The following DNAAF5 variants were observed in gnomAD, a reference collection of about 807,000 sequenced individuals.
DNAAF5 encodes the protein dynein axonemal assembly factor 5.
In DNAAF5, 64 loss-of-function variants were observed where a neutral mutation model predicts 75.8. The ratio of observed to expected loss-of-function variants is 0.84; its 90% CI spans 0.69 to 1.04. The LOEUF (loss-of-function observed/expected upper bound fraction) is 1.04. DNAAF5 is among the 50% of genes least tolerant of loss of function. DNAAF5 has a pLI of 0.00. For synonymous variants in DNAAF5, 657 were observed against 557.2 expected, an observed-to-expected ratio of 1.18 and a Z score of -2.52; for missense variants, 1,269 against 1,178.5, an observed-to-expected ratio of 1.08 and a Z score of -1.12.
intron 2 of DNAAF5, among the ~76,000 whole-genome samples, chr7:735,394 G>T (rs370446890): frequency 1.3e-4 from 19 of 148,308 alleles, no homozygotes; most frequent in Non-Finnish European, 2.8e-4. Context: ...ATTGCTCATG[G>T]TGTTGTTCTT....
intron 11 of DNAAF5, among the ~76,000 whole-genome samples, chr7:776,609 C>T (rs375687925): frequency 2.0e-5 from 3 of 152,192 alleles, no homozygotes; most frequent in South Asian, 2.1e-4. Flanking sequence ...TCAGTGTCGC[C>T]GCCTCCTGGA....
chr7:760,687 C>G (rs1239586806), intron 6 of DNAAF5, among the ~76,000 whole-genome samples: 1 of 152,156 alleles, frequency 6.6e-6, no homozygotes, highest in African/African-American at 2.4e-5. Context: ...AAGAAGTAAG[C>G]ACACGCAAAG....
chr7:773,190 C>T (rs547096208), intron 9 of DNAAF5, among the ~76,000 whole-genome samples: 8 of 152,282 alleles, frequency 5.3e-5, no homozygotes, highest in African/African-American at 1.9e-4. Context: ...CCAGAAACCT[C>T]GCGGAATGCG....
chr7:740,850 G>A lies in DNAAF5; in HGVS notation c.812G>A (p.Gly271Asp). The A allele has an allele frequency of 6.2e-7, 1 of 1,613,954 alleles. No individual in the cohort carries two copies. Among genetic ancestry groups the A allele is most frequent in the Non-Finnish European group, 8.5e-7 (1 of 1,180,034 alleles). ...VRRAVASVVG[G>D]WLLCLRDRYS... ...CGGGCGGTGGCCTCCGTGGTGGGCG[G>A]CTGGCTGCTGTGTCTGCGTGACCGT... The change falls in exon 3 of 13, where the codon GGC becomes GAC. Residue 271 changes from glycine to aspartate, a missense_variant. By Grantham distance (94) the Gly-to-Asp change is moderately conservative (BLOSUM62 -1). Coordinates refer to ENST00000297440, the MANE Select transcript of DNAAF5 (RefSeq NM_017802.4).
chr7:779,805 G>A (rs1181946867), intron 11 of DNAAF5, 148 bp from the exon 12 acceptor site: 16 of 665,244 alleles, frequency 2.4e-5, no homozygotes, highest in African/African-American at 1.1e-4. Flanking sequence ...CATGTGGCTC[G>A]GGATGCACGG....
At chr7:774,373 C>T (rs1778683461) in intron 10 of DNAAF5, among the ~76,000 whole-genome samples, 175 bp downstream of exon 10, 4 of 152,210 alleles carry the variant, frequency 2.6e-5, no homozygotes, top group African/African-American at 9.6e-5. Flanking sequence ...GAGCCGGCGG[C>T]CGGGCTGCGG....
At position 770,493 on chromosome 7, in the gene DNAAF5, G is replaced by T; in HGVS notation, c.1806G>T (p.Leu602=). 1 of 1,613,664 alleles carries T rather than the reference G, an allele frequency of 6.2e-7. No individual in the cohort carries two copies. Among genetic ancestry groups the T allele is most frequent in the Non-Finnish European group, 8.5e-7 (1 of 1,179,958 alleles). The change falls in exon 9 of 13, where the codon CTG becomes CTT. Residue 602 remains leucine, a synonymous_variant. Coordinates refer to ENST00000297440, the MANE Select transcript of DNAAF5 (RefSeq NM_017802.4). ...CAGGCCCTGCCCTGGGAGAAGCCCTGCCACACGTCGTGCCCACGCTGAGGG... is the reference window on the plus strand; with the variant it reads ...CAGGCCCTGCCCTGGGAGAAGCCCTTCCACACGTCGTGCCCACGCTGAGGG... ...AQSGPALGEA[L]PHVVPTLRAC... is the part of the protein sequence containing the mutation.
intron 6 of DNAAF5, among the ~76,000 whole-genome samples, chr7:760,484 G>C (rs1438289794): frequency 6.6e-6 from 1 of 152,142 alleles, no homozygotes; most frequent in African/African-American, 2.4e-5. Context: ...TTAGAGGGAC[G>C]TTATAAGAAG....
At chr7:772,508 C>G (rs1437960178) in intron 9 of DNAAF5, 3 of 152,242 alleles carry the variant, frequency 2.0e-5, no homozygotes, top group African/African-American at 7.2e-5. Flanking sequence ...TTCTGGAAGT[C>G]AAGCCCCACA....
intron 12 of DNAAF5, among the ~76,000 whole-genome samples, chr7:783,407 C>T (rs1238807038): frequency 6.6e-6 from 1 of 152,174 alleles, no homozygotes; most frequent in Admixed American, 6.5e-5. Context: ...AGCACAGTGA[C>T]GGGCAGGCCG....
At chr7:730,159 C>T (rs1254328181) in intron 2 of DNAAF5, among the ~76,000 whole-genome samples, 1 of 152,186 alleles carries the variant, frequency 6.6e-6, no homozygotes, top group Non-Finnish European at 1.5e-5. Flanking sequence ...CATCAAGACG[C>T]ACTTTCCCGA....
rs1781888127 is a variant in DNAAF5, at chr7:740,932, GC to G, written c.896del (p.Pro299LeufsTer26). 1.2e-6 allele frequency: 2 copies of G among 1,613,194 alleles called. No homozygotes were observed. Among genetic ancestry groups the G allele is most frequent in the African/African-American group, 1.3e-5 (1 of 74,936 alleles). ...LLLSSLNDEVPEVRQLAASLW... is the reference protein window; with the variant it reads ...LLLSSLNDEVXEVRQLAASLW... ...TGCTCAGTAGCCTCAACGACGAGGT[GC>G]CTGAGGTCAGGTACGTGGGCAGGCG... On this transcript the variant is annotated frameshift_variant, in exon 3 of 13. Transcript: ENST00000297440. LOFTEE classifies it high-confidence loss of function.
intron 4 of DNAAF5, among the ~76,000 whole-genome samples, chr7:749,730 C>G (rs1364549952): frequency 6.6e-6 from 1 of 152,164 alleles, no homozygotes; most frequent in Non-Finnish European, 1.5e-5. Flanking sequence ...CAGACTTGCT[C>G]TGTCACCCAG....
chr7:774,315 G>T, intron 10 of DNAAF5, 117 bp downstream of exon 10: 2 of 1,104,910 alleles, frequency 1.8e-6, no homozygotes, highest in East Asian at 2.7e-5. Context: ...CCTCCACCTG[G>T]GGCCCGTACC....
rs1243445614 is a variant in DNAAF5 at position 775,103 on chromosome 7, C to T, written c.2180C>T (p.Thr727Met). The T allele has an allele frequency of 5.0e-6, 8 of 1,613,940 alleles. No individual in the cohort carries two copies. In the Admixed American group the frequency reaches 6.7e-5, roughly 13 times the overall value. Reference protein sequence around the residue: ...TRLISCRIINTFLKTSGGMTD... With the variant: ...TRLISCRIINMFLKTSGGMTD... Reference sequence around the variant, plus strand: ...CTGATCTCATGCCGTATTATCAACACGTTCTTAAAAACCTCGGGCGGCATG... The same window carrying T: ...CTGATCTCATGCCGTATTATCAACATGTTCTTAAAAACCTCGGGCGGCATG... Residue 727 changes from threonine (T) to methionine (M), a missense_variant, in exon 11 of 13, where the codon ACG becomes ATG. Physicochemically the swap from Thr to Met is moderately conservative, Grantham distance 81. Coordinates refer to ENST00000297440, the MANE Select transcript of DNAAF5 (RefSeq NM_017802.4).
At chr7:758,383 G>C (rs1782550937) in intron 6 of DNAAF5, among the ~76,000 whole-genome samples, 1 of 152,158 alleles carries the variant, frequency 6.6e-6, no homozygotes, top group Admixed American at 6.5e-5. Flanking sequence ...TGTGCATTTG[G>C]CTCCCCATCT....
At chr7:763,560 G>T (rs1000659497) in intron 7 of DNAAF5, among the ~76,000 whole-genome samples, 1 of 152,226 alleles carries the variant, frequency 6.6e-6, no homozygotes, top group Non-Finnish European at 1.5e-5. Flanking sequence ...TGTGCACAGT[G>T]CCTGCTTCAT....
At chr7:741,971 C>T (rs918128958) in intron 4 of DNAAF5, among the ~76,000 whole-genome samples, 8 of 152,210 alleles carry the variant, frequency 5.3e-5, no homozygotes, top group South Asian at 2.1e-4. Context: ...TCTCCTGCTG[C>T]GTGGCCTCCC....
intron 11 of DNAAF5, among the ~76,000 whole-genome samples, chr7:776,947 T>C (rs1282700782): frequency 1.3e-5 from 2 of 152,198 alleles, no homozygotes; most frequent in African/African-American, 4.8e-5. Context: ...GCAACGGCAT[T>C]AGATTCTCAT....
Sources: allele counts gnomAD v4.1 joint callset (sites outside exome capture counted in the v4.1 genomes callset), GRCh38; gene constraint gnomAD v4.1.1; transcripts MANE v1.5; gene names NCBI Gene and HGNC (gene_info 2026-07-23, HGNC 2026-07-21).